The following TRAFD1 variants were observed in gnomAD, a reference collection of about 807,000 sequenced individuals.
TRAFD1 encodes the protein TRAF-type zinc finger domain-containing protein 1.
Under a neutral mutation model 65.3 loss-of-function variants are expected in TRAFD1, and 38 were observed. That is an observed-to-expected ratio of 0.58 (90% CI 0.45 to 0.76). The LOEUF (loss-of-function observed/expected upper bound fraction) is 0.76. TRAFD1 is among the 30% of genes least tolerant of loss of function. The probability of loss-of-function intolerance (pLI) is 0.00; values close to 1 mark genes in which losing one functional copy is unlikely to be tolerated. For synonymous variants in TRAFD1, 223 were observed against 257.2 expected, an observed-to-expected ratio of 0.87 and a Z score of 1.27; for missense variants, 631 against 712.6, an observed-to-expected ratio of 0.89 and a Z score of 1.30.
At chr12:112,141,899 C>A (rs2030097995) in intron 5 of TRAFD1, 190 bp from the exon 6 acceptor site, 2 of 592,688 alleles carry the variant, frequency 3.4e-6, no homozygotes, top group Non-Finnish European at 5.9e-6. Flanking sequence ...AATAATGGAG[C>A]CTTTTCACAG....
At chr12:112,148,020 G>T (rs986571834) in intron 7 of TRAFD1, 54 bp from the exon 8 acceptor site, 1 of 1,473,656 alleles carries the variant, frequency 6.8e-7, no homozygotes, top group Admixed American at 2.1e-5. Context: ...TAGGAATGTA[G>T]TTTTTTTCTT....
At chr12:112,134,131 C>T (rs1413809319) in intron 2 of TRAFD1, among the ~76,000 whole-genome samples, 1 of 151,294 alleles carries the variant, frequency 6.6e-6, no homozygotes, top group Non-Finnish European at 1.5e-5. Flanking sequence ...CTGCCTCAGC[C>T]TCCTGAGTAG....
At chr12:112,135,774 A>G (rs963314174) in intron 4 of TRAFD1, among the ~76,000 whole-genome samples, 2 of 151,274 alleles carry the variant, frequency 1.3e-5, no homozygotes, top group African/African-American at 4.8e-5. Flanking sequence ...GCATTTGGTG[A>G]GAGAGAATAG....
Position 112,152,562 on chromosome 12 carries a change from C to T in TRAFD1, c.1692+63C>T. 1 of 1,603,628 alleles carries T rather than the reference C, an allele frequency of 6.2e-7. No homozygotes were observed. On this transcript the variant is annotated intron_variant, in intron 11 of 11. Coordinates refer to ENST00000412615, the MANE Select transcript of TRAFD1 (RefSeq NM_006700.3). The surrounding 1 kb of genome is among the most constrained non-coding windows in gnomAD (Gnocchi z 5.0). ...CTCAGACATGGTGGGGCTTGTGTGGCTCCTGAAGTTGTAGAAGTTGTTGGG... is the reference window on the plus strand; with the variant it reads ...CTCAGACATGGTGGGGCTTGTGTGGTTCCTGAAGTTGTAGAAGTTGTTGGG...
chr12:112,151,745 G>T, intron 9 of TRAFD1, 56 bp from the exon 10 acceptor site: 1 of 1,519,368 alleles, frequency 6.6e-7, no homozygotes, highest in Non-Finnish European at 8.9e-7. Flanking sequence ...CCCTAAACCT[G>T]GCACTATAGC....
chr12:112,137,825 G>GT lies in TRAFD1; in HGVS notation c.237+2759_237+2760insT, dbSNP rs2029966029. ...AACAGCTGTTTATATGGTAGTTATA[G>GT]AAGAGTGGATATACATATGTAAAAA... is the stretch of plus-strand genomic sequence containing the variant. On this transcript the variant is annotated intron_variant, in intron 4 of 11. Transcript: ENST00000412615. This position sits in a 1 kb window ranked among gnomAD's most constrained non-coding sequence, Gnocchi z 4.2. Among the ~76,000 whole-genome samples, 1 of 152,146 alleles carries GT rather than the reference G, an allele frequency of 6.6e-6. No homozygotes were observed. Among genetic ancestry groups the GT allele is most frequent in the Non-Finnish European group, 1.5e-5 (1 of 68,022 alleles).
chr12:112,140,787 C>G, intron 4 of TRAFD1, 32 bp from the exon 5 acceptor site: 1 of 1,608,776 alleles, frequency 6.2e-7, no homozygotes, highest in Non-Finnish European at 8.5e-7. Flanking sequence ...CCTAGATATG[C>G]ATATTAACTG....
At chr12:112,135,468 C>G (rs1319723732) in intron 4 of TRAFD1, among the ~76,000 whole-genome samples, 1 of 152,150 alleles carries the variant, frequency 6.6e-6, no homozygotes, top group Non-Finnish European at 1.5e-5. Flanking sequence ...GAGTCTTGTT[C>G]TGTTGCCCAG....
At chr12:112,140,429 A>AC (rs1010525757) in intron 4 of TRAFD1, among the ~76,000 whole-genome samples, 3 of 151,894 alleles carry the variant, frequency 2.0e-5, no homozygotes, top group African/African-American at 4.8e-5. Context: ...CAAAAAAAAA[A>AC]AAAAAAAAAG....
At chr12:112,128,858 T>G (rs1306529173) in intron 1 of TRAFD1, among the ~76,000 whole-genome samples, 1 of 151,790 alleles carries the variant, frequency 6.6e-6, no homozygotes, top group Non-Finnish European at 1.5e-5. Flanking sequence ...CTGGTCAACA[T>G]GGTGAAACTC....
chr12:112,126,948 C>T (rs1488411370), intron 1 of TRAFD1, among the ~76,000 whole-genome samples: 1 of 152,202 alleles, frequency 6.6e-6, no homozygotes, highest in African/African-American at 2.4e-5. Flanking sequence ...GCTGCTGCGC[C>T]CAGCCCAGAA....
intron 8 of TRAFD1, chr12:112,149,280 T>C (rs2136981650): frequency 6.5e-6 from 1 of 152,856 alleles, no homozygotes; most frequent in East Asian, 1.9e-4. Context: ...AGTAGATAAG[T>C]GACTGCTTAC....
At chr12:112,134,001 ATTT>A (rs545753010) in intron 2 of TRAFD1, among the ~76,000 whole-genome samples, 3 of 95,142 alleles carry the variant, frequency 3.2e-5, no homozygotes, top group African/African-American at 4.3e-5. Context: ...AAAGGATTTA[ATTT>A]TTTTTTTTTT....
chr12:112,135,114 C>T (rs763334807), intron 4 of TRAFD1, 48 bp downstream of exon 4: 75 of 1,606,938 alleles, frequency 4.7e-5, no homozygotes, highest in Non-Finnish European at 6.0e-5. Flanking sequence ...GCTGAGATTA[C>T]AGACCCACAT....
chr12:112,133,022 AAAGT>A (rs1159973004), intron 2 of TRAFD1: 4 of 152,330 alleles, frequency 2.6e-5, no homozygotes, highest in African/African-American at 9.6e-5. Flanking sequence ...CAAATAAGTA[AAAGT>A]AAGGCCTTTG....
intron 8 of TRAFD1, chr12:112,149,446 C>A: frequency 4.1e-6 from 1 of 246,762 alleles, no homozygotes; most frequent in Non-Finnish European, 8.1e-6. Context: ...TTTCCCCGTT[C>A]TCACTATTGC....
chr12:112,143,252 T>C (rs1057136317), intron 6 of TRAFD1, among the ~76,000 whole-genome samples: 2 of 152,158 alleles, frequency 1.3e-5, no homozygotes, highest in Non-Finnish European at 2.9e-5. Context: ...GCCAATTTTT[T>C]GTATTTTTAG....
intron 1 of TRAFD1, among the ~76,000 whole-genome samples, chr12:112,129,980 C>T (rs1307483713): frequency 6.7e-6 from 1 of 148,648 alleles, no homozygotes; most frequent in African/African-American, 2.5e-5. Flanking sequence ...GACAGGGTCT[C>T]ACTCTGTCAC....
chr12:112,134,981 G>A (rs2079589828), intron 3 of TRAFD1, 32 bp from the exon 4 acceptor site: 1 of 1,614,178 alleles, frequency 6.2e-7, no homozygotes, highest in Non-Finnish European at 8.5e-7. Flanking sequence ...TTGTCCCAAA[G>A]CCAATTTACT....
Sources: allele counts gnomAD v4.1 joint callset (sites outside exome capture counted in the v4.1 genomes callset), GRCh38; gene constraint gnomAD v4.1.1; non-coding constraint Gnocchi (gnomAD v3.1); transcripts MANE v1.5; gene names NCBI Gene and HGNC (gene_info 2026-07-23, HGNC 2026-07-21).